DCBLD2: variants seen among roughly 807,000 people sequenced by gnomAD.
DCBLD2 encodes the protein discoidin, CUB and LCCL domain containing 2, also known as discoidin, CUB and LCCL domain-containing protein 2.
A neutral mutation model predicts 86.8 loss-of-function variants in DCBLD2; 54 were observed. The ratio of observed to expected loss-of-function variants is 0.62; its 90% confidence interval spans 0.50 to 0.78. DCBLD2 has a LOEUF of 0.78. Among genes scored for constraint, DCBLD2 ranks in the 30% least tolerant of loss-of-function variants. The pLI is 0.00. For synonymous variants in DCBLD2, 354 were observed against 341.3 expected (o/e 1.04, Z -0.41); for missense variants, 908 against 954.2 (o/e 0.95, Z 0.64).
intron 2 of DCBLD2, among the ~76,000 whole-genome samples, chr3:98,854,761 A>G (rs1291008857): frequency 6.6e-6 from 1 of 152,204 alleles, no homozygotes; most frequent in Non-Finnish European, 1.5e-5. Context: ...AGCAGATCTG[A>G]TATCTGCACA....
chr3:98,888,673 T>G (rs1040050924), intron 1 of DCBLD2, among the ~76,000 whole-genome samples: 2 of 152,040 alleles, frequency 1.3e-5, no homozygotes, highest in Non-Finnish European at 2.9e-5. Flanking sequence ...ATTGACCCAG[T>G]ACACTTGGCT....
intron 3 of DCBLD2, among the ~76,000 whole-genome samples, chr3:98,832,550 G>A (rs537110285): frequency 1.3e-5 from 2 of 152,306 alleles, no homozygotes; most frequent in Middle Eastern, 6.8e-3. Context: ...GTGTACTTGA[G>A]TGTATTTTCC....
intron 2 of DCBLD2, among the ~76,000 whole-genome samples, chr3:98,864,464 T>A (rs1041197966): frequency 3.3e-5 from 5 of 152,166 alleles, no homozygotes; most frequent in East Asian, 1.9e-4. Flanking sequence ...CAAATGTCCA[T>A]CAATGATAGA....
At chr3:98,886,136 C>T in intron 1 of DCBLD2, among the ~76,000 whole-genome samples, 1 of 151,814 alleles carries the variant, frequency 6.6e-6, no homozygotes, top group South Asian at 2.1e-4. Context: ...CAAAGATCAG[C>T]AGTTATACTA....
At chr3:98,854,930 G>A (rs1036121693) in intron 2 of DCBLD2, among the ~76,000 whole-genome samples, 7 of 152,132 alleles carry the variant, frequency 4.6e-5, no homozygotes, top group South Asian at 2.1e-4. Context: ...AGAGCTTCAC[G>A]ACCTAGAACT....
At chr3:98,825,190 C>G (rs369144043) in intron 4 of DCBLD2, 125 bp downstream of exon 4, 2 of 668,670 alleles carry the variant, frequency 3.0e-6, no homozygotes, top group Non-Finnish European at 4.5e-6. Flanking sequence ...ATTGAAGTCT[C>G]GGAACAATGA....
chr3:98,892,991 G>A (rs1215105163), intron 1 of DCBLD2, among the ~76,000 whole-genome samples: 1 of 152,076 alleles, frequency 6.6e-6, no homozygotes, highest in Non-Finnish European at 1.5e-5. Flanking sequence ...GATTTGGGTG[G>A]GCTGGAGACA....
rs140476480 is a variant in DCBLD2, at chr3:98,900,879, G to C, written c.205+243C>G. On this transcript the variant is annotated intron_variant, in intron 1 of 15. Coordinates refer to ENST00000326840, the MANE Select transcript of DCBLD2 (RefSeq NM_080927.4). ...AATATCAACGAGGCTTTCATAGCAGGGTCTCACGTCCCCCTTTCAGAAAAA... is the reference window on the plus strand; with the variant it reads ...AATATCAACGAGGCTTTCATAGCAGCGTCTCACGTCCCCCTTTCAGAAAAA... 3.7e-3 allele frequency: 2,302 copies of C among 618,482 alleles called. 7 individuals carry two copies. The highest frequency in any genetic ancestry group is 5.3e-3 in the Non-Finnish European group (1,963 of 367,708). The allele number at this position is 618,482 out of a possible 1,614,324, so 38.3% of individuals were successfully genotyped here.
intron 13 of DCBLD2, among the ~76,000 whole-genome samples, chr3:98,807,179 C>T (rs564475366): frequency 5.3e-5 from 8 of 152,190 alleles, no homozygotes; most frequent in African/African-American, 1.9e-4. Flanking sequence ...CCACGCCAAG[C>T]GTACATGCGA....
rs1692849427 is a variant in DCBLD2 at position 98,841,956 on chromosome 3, T to C, written c.571+7505A>G. 2.0e-5 allele frequency among the ~76,000 whole-genome samples: 3 copies of C among 152,086 alleles called. No homozygotes were observed. The South Asian group carries it at 6.2e-4, about 31-fold the overall frequency. On this transcript the variant is annotated intron_variant, in intron 3 of 15. Coordinates refer to ENST00000326840, the MANE Select transcript of DCBLD2 (RefSeq NM_080927.4). ...GGCGTGTGCCTGTAGTCCCAGCTAC[T>C]TGGGAGGCTGAGGCAGGAGAATCGC... is the stretch of plus-strand genomic sequence containing the variant.
chr3:98,832,117 G>C (rs1376539848), intron 3 of DCBLD2, among the ~76,000 whole-genome samples: 1 of 152,068 alleles, frequency 6.6e-6, no homozygotes, highest in Non-Finnish European at 1.5e-5. Context: ...TATGAATCTG[G>C]GTGCTCCTGT....
At chr3:98,875,178 T>C (rs187742919) in intron 2 of DCBLD2, among the ~76,000 whole-genome samples, 1 of 152,198 alleles carries the variant, frequency 6.6e-6, no homozygotes, top group Admixed American at 6.5e-5. Context: ...AGAAAGTGAA[T>C]GATAAAACTA....
chr3:98,898,698 A>G (rs1330279975), intron 1 of DCBLD2, among the ~76,000 whole-genome samples: 1 of 152,186 alleles, frequency 6.6e-6, no homozygotes, highest in Non-Finnish European at 1.5e-5. Context: ...ATGTGAGGGA[A>G]TATCAGTAGA....
At chr3:98,847,028 C>T (rs576699958) in intron 3 of DCBLD2, among the ~76,000 whole-genome samples, 7 of 152,300 alleles carry the variant, frequency 4.6e-5, no homozygotes, top group African/African-American at 1.7e-4. Context: ...TTTCTATCCT[C>T]TCACCTATCA....
In DCBLD2 at chr3:98,839,179, T is replaced by TC. The variant is rs1559781600; in HGVS notation, c.571+10281dup. ...TCTTTCTTTCTTTCTTTCCTTTCTT[T>TC]CTTCCTTCCTTCCTTCCTTCCTTCC... On this transcript the variant is annotated intron_variant, in intron 3 of 15. Coordinates refer to ENST00000326840, the MANE Select transcript of DCBLD2 (RefSeq NM_080927.4). Among the ~76,000 whole-genome samples, 279 of 113,178 alleles carry TC rather than the reference T, an allele frequency of 2.5e-3. 2 individuals are homozygous for TC. The highest frequency in any genetic ancestry group is 8.3e-3 in the African/African-American group (223 of 26,936). The allele number at this position is 113,178 out of a possible 152,430, so 74.2% of individuals were successfully genotyped here. A position where few individuals can be genotyped will look rare whatever the true frequency, so the allele number is the denominator to read the frequency against.
intron 6 of DCBLD2, chr3:98,821,978 A>G (rs1326390376): frequency 3.9e-5 from 18 of 465,220 alleles, no homozygotes; most frequent in Non-Finnish European, 6.9e-5. Flanking sequence ...ACCAGAATAC[A>G]GAGGTTGCAG....
chr3:98,830,931 TC>T (rs1942309809), intron 3 of DCBLD2, among the ~76,000 whole-genome samples: 2 of 152,180 alleles, frequency 1.3e-5, no homozygotes, highest in Admixed American at 6.5e-5. Context: ...GTTTTGTAAT[TC>T]CTGTTGTAGA....
chr3:98,804,698 T>C (rs1341287107), intron 13 of DCBLD2, among the ~76,000 whole-genome samples: 1 of 152,244 alleles, frequency 6.6e-6, no homozygotes, highest in African/African-American at 2.4e-5. Flanking sequence ...TAAATTTCCC[T>C]CTACACACTG....
chr3:98,825,388 A>G, intron 3 of DCBLD2, 22 bp from the exon 4 acceptor site: 1 of 1,486,720 alleles, frequency 6.7e-7, no homozygotes, highest in Non-Finnish European at 9.0e-7. Flanking sequence ...AAAATAAAAA[A>G]CTGATTCCAT....
Sources: gnomAD v4.1 joint callset for allele counts (sites outside exome capture counted in the v4.1 genomes callset) on GRCh38, gnomAD v4.1.1 for gene constraint, MANE v1.5 for transcripts, NCBI Gene and HGNC (gene_info 2026-07-23, HGNC 2026-07-21) for gene names.